Variants in NDST3 observed in about 807,000 individuals in gnomAD.
NDST3 encodes the protein bifunctional heparan sulfate N-deacetylase/N-sulfotransferase 3.
Under a neutral mutation model 96.1 loss-of-function variants are expected in NDST3, and 58 were observed. The ratio of observed to expected loss-of-function variants is 0.60; its 90% confidence interval spans 0.49 to 0.75. NDST3 has a LOEUF of 0.75. NDST3 is among the 30% of genes least tolerant of loss of function. The pLI, the probability that NDST3 is intolerant of heterozygous loss-of-function variation, is 0.00. For synonymous variants in NDST3, 333 were observed against 359.7 expected, an observed-to-expected ratio of 0.93 and a Z score of 0.84; for missense variants, 788 against 1,034.2, an observed-to-expected ratio of 0.76 and a Z score of 3.27.
intron 4 of NDST3, among the ~76,000 whole-genome samples, chr4:118,119,845 A>G (rs1169601877): frequency 1.3e-5 from 2 of 152,172 alleles, no homozygotes; most frequent in African/African-American, 4.8e-5. Flanking sequence ...GGCCTGGCCC[A>G]GAAAGAGTCT....
chr4:118,070,861 T>C (rs1055579447), intron 2 of NDST3, among the ~76,000 whole-genome samples: 1 of 152,044 alleles, frequency 6.6e-6, no homozygotes, highest in African/African-American at 2.4e-5. Context: ...AGTGTTCTCA[T>C]TGTTCAATTC....
At chr4:118,048,910 C>T (rs527284047) in intron 1 of NDST3, among the ~76,000 whole-genome samples, 9 of 152,232 alleles carry the variant, frequency 5.9e-5, no homozygotes, top group African/African-American at 2.2e-4. Context: ...CACCCAACAA[C>T]CACAAAATAC....
At chr4:118,080,473 T>C (rs1727921465) in intron 2 of NDST3, among the ~76,000 whole-genome samples, 1 of 152,160 alleles carries the variant, frequency 6.6e-6, no homozygotes. Flanking sequence ...TGGCCACATA[T>C]ACTTAGATTT....
intron 6 of NDST3, among the ~76,000 whole-genome samples, chr4:118,162,947 A>G (rs1277525930): frequency 6.7e-6 from 1 of 149,088 alleles, no homozygotes; most frequent in Admixed American, 6.7e-5. Context: ...AAAGGACATG[A>G]ACAGACACTT....
At chr4:118,099,244 T>C (rs913574727) in intron 2 of NDST3, among the ~76,000 whole-genome samples, 2 of 152,090 alleles carry the variant, frequency 1.3e-5, no homozygotes, top group Non-Finnish European at 2.9e-5. Flanking sequence ...GATTTCAATC[T>C]GCTGCTGTTC....
chr4:118,214,195 T>C (rs1278041088), intron 6 of NDST3, among the ~76,000 whole-genome samples: 1 of 151,950 alleles, frequency 6.6e-6, no homozygotes, highest in Non-Finnish European at 1.5e-5. Flanking sequence ...CACACTGGAA[T>C]GGAAAGTAAA....
At chr4:118,104,101 G>C (rs1729975329) in intron 2 of NDST3, among the ~76,000 whole-genome samples, 2 of 151,682 alleles carry the variant, frequency 1.3e-5, no homozygotes, top group African/African-American at 2.4e-5. Context: ...TTTAGTTGTG[G>C]GCCCAACTGT....
At chr4:118,215,060 T>A (rs1739106270) in intron 6 of NDST3, among the ~76,000 whole-genome samples, 1 of 152,086 alleles carries the variant, frequency 6.6e-6, no homozygotes. Context: ...AATTTAGCCA[T>A]GTTTAAAGTG....
chr4:118,238,165 AAGAAAG>A (rs1415601270), intron 10 of NDST3, among the ~76,000 whole-genome samples: 1 of 41,242 alleles, frequency 2.4e-5, no homozygotes, highest in Non-Finnish European at 4.9e-5. Flanking sequence ...AAAAGAAAGA[AAGAAAG>A]AAAGAAAGAA....
intron 12 of NDST3, among the ~76,000 whole-genome samples, chr4:118,245,425 G>A (rs1420845783): frequency 6.6e-6 from 1 of 152,182 alleles, no homozygotes; most frequent in Non-Finnish European, 1.5e-5. Context: ...GAGTATAGTT[G>A]TTTGTTTGTT....
At chr4:118,110,985 TA>T (rs1382004762) in intron 3 of NDST3, among the ~76,000 whole-genome samples, 2 of 152,078 alleles carry the variant, frequency 1.3e-5, no homozygotes, top group Admixed American at 6.6e-5. Context: ...ACACAGCCAT[TA>T]AAAAAGGAAT....
intron 6 of NDST3, chr4:118,194,813 C>A (rs1737561174): frequency 5.4e-6 from 2 of 368,206 alleles, no homozygotes; most frequent in African/African-American, 4.2e-5. Context: ...GAGCCAAAGG[C>A]AGGGGTGCTA....
intron 3 of NDST3, among the ~76,000 whole-genome samples, chr4:118,107,588 T>A (rs919337959): frequency 2.0e-5 from 3 of 152,176 alleles, no homozygotes; most frequent in African/African-American, 7.2e-5. Context: ...AAAGTCAAGG[T>A]ATAGTACAGT....
chr4:118,041,109 A>G (rs1413338920), intron 1 of NDST3, among the ~76,000 whole-genome samples: 1 of 151,892 alleles, frequency 6.6e-6, no homozygotes, highest in Non-Finnish European at 1.5e-5. Flanking sequence ...CCATTTTCTT[A>G]GAAGGAAACT....
intron 2 of NDST3, among the ~76,000 whole-genome samples, chr4:118,083,155 T>G (rs1728153442): frequency 6.6e-6 from 1 of 152,324 alleles, no homozygotes; most frequent in South Asian, 2.1e-4. Context: ...CTGATGCTTT[T>G]TCTTCATGAA....
chr4:118,226,702 A>G (rs1227401199), intron 7 of NDST3, among the ~76,000 whole-genome samples, 184 bp from the exon 8 acceptor site: 5 of 152,116 alleles, frequency 3.3e-5, no homozygotes, highest in Non-Finnish European at 7.4e-5. Flanking sequence ...TCTCAACCTC[A>G]ACATGGAAGG....
Position 118,257,069 on chromosome 4 carries a change from T to C in NDST3, c.*1357T>C, listed in dbSNP as rs111414608. ...ATTTACATTTCAATTGTAAATAATA[T>C]ATATGGTTAATAAAGTTTCCAAAAA... is the stretch of plus-strand genomic sequence containing the variant. On this transcript the variant is annotated 3_prime_UTR_variant, in exon 14 of 14. Transcript: ENST00000296499. The C allele has an allele frequency of 6.3e-4, 96 of 152,266 alleles. 1 individual carries two copies. Among genetic ancestry groups the C allele is most frequent in the African/African-American group, 2.3e-3 (95 of 41,546 alleles). 9.4% of individuals were successfully genotyped at this position (152,266 alleles called of 1,614,324 possible).
intron 6 of NDST3, among the ~76,000 whole-genome samples, chr4:118,201,500 T>C (rs771482866): frequency 6.6e-6 from 1 of 152,260 alleles, no homozygotes; most frequent in Admixed American, 6.5e-5. Context: ...AGATTTTATC[T>C]CACTGTCAGT....
At chr4:118,213,810 TTC>T (rs1739002490) in intron 6 of NDST3, among the ~76,000 whole-genome samples, 1 of 151,656 alleles carries the variant, frequency 6.6e-6, no homozygotes, top group African/African-American at 2.4e-5. Flanking sequence ...TTTTGACATT[TTC>T]TGTTTTTTAC....
Sources: gnomAD v4.1 joint callset for allele counts (sites outside exome capture counted in the v4.1 genomes callset) on GRCh38, gnomAD v4.1.1 for gene constraint, MANE v1.5 for transcripts, NCBI Gene and HGNC (gene_info 2026-07-23, HGNC 2026-07-21) for gene names.